The following PIBF1 variants were observed in gnomAD, a reference collection of about 807,000 sequenced individuals.
The protein encoded by PIBF1 is progesterone-induced-blocking factor 1.
PIBF1 carries 90 observed loss-of-function variants against 112.5 expected under a neutral mutation model. The ratio of observed to expected loss-of-function variants is 0.80; its 90% CI spans 0.67 to 0.95. The LOEUF is 0.95. Among genes scored for constraint, PIBF1 ranks in the 40% least tolerant of loss-of-function variants. The probability of loss-of-function intolerance (pLI) is 0.00; values close to 1 mark genes in which losing one functional copy is unlikely to be tolerated. For synonymous variants in PIBF1, 301 were observed against 288.6 expected (o/e 1.04, Z -0.44); for missense variants, 915 against 852.3 (o/e 1.07, Z -0.92).
chr13:72,789,839 C>CA (rs1383146866), intron 2 of PIBF1, among the ~76,000 whole-genome samples: 1 of 151,956 alleles, frequency 6.6e-6, no homozygotes, highest in Non-Finnish European at 1.5e-5. Context: ...TAGTGACTCT[C>CA]AAAAAGTTTC....
chr13:72,923,437 C>T (rs1321832182), intron 13 of PIBF1, among the ~76,000 whole-genome samples: 1 of 152,114 alleles, frequency 6.6e-6, no homozygotes, highest in Non-Finnish European at 1.5e-5. Flanking sequence ...GGTGTACAAC[C>T]AATATACTGG....
intron 14 of PIBF1, among the ~76,000 whole-genome samples, chr13:72,937,867 AATAAT>A (rs1408827790): frequency 6.6e-6 from 1 of 152,154 alleles, no homozygotes; most frequent in Non-Finnish European, 1.5e-5. Context: ...AAAGAGATAT[AATAAT>A]ATGAGGGAAA....
intron 14 of PIBF1, 103 bp from the exon 15 acceptor site, chr13:72,965,171 C>G: frequency 9.8e-7 from 1 of 1,019,056 alleles, no homozygotes; most frequent in East Asian, 2.5e-5. Flanking sequence ...CAGAATAATT[C>G]ATGTCAAAGG....
intron 10 of PIBF1, among the ~76,000 whole-genome samples, chr13:72,872,838 T>A (rs2039222876): frequency 6.6e-6 from 1 of 152,122 alleles, no homozygotes; most frequent in Non-Finnish European, 1.5e-5. Context: ...AATAAACCTT[T>A]ACAACAGCAG....
chr13:72,831,889 T>G, intron 8 of PIBF1, among the ~76,000 whole-genome samples: 1 of 152,128 alleles, frequency 6.6e-6, no homozygotes, highest in South Asian at 2.1e-4. Context: ...TAAGTCTGTT[T>G]GTAGGTCTCT....
chr13:72,839,415 T>G (rs2037504620), intron 9 of PIBF1, among the ~76,000 whole-genome samples: 1 of 152,140 alleles, frequency 6.6e-6, no homozygotes, highest in Non-Finnish European at 1.5e-5. Context: ...CATGATAAAT[T>G]TAGTTGTTTC....
At chr13:72,858,199 G>C (rs137971354) in intron 10 of PIBF1, among the ~76,000 whole-genome samples, 1 of 151,966 alleles carries the variant, frequency 6.6e-6, no homozygotes, top group African/African-American at 2.4e-5. Flanking sequence ...TTACAGGCAC[G>C]TGCCACCACA....
chr13:72,891,153 T>C (rs2138554749), intron 10 of PIBF1, among the ~76,000 whole-genome samples: 1 of 152,272 alleles, frequency 6.6e-6, no homozygotes, highest in East Asian at 1.9e-4. Context: ...AAAAGTAACT[T>C]TCAGGTGCCA....
rs56219022 is a variant in PIBF1 at position 73,016,205 on chromosome 13, G to GGTGA, written c.*288_*289insGAGT. ...TAAGTGTGTGGCTTATAAATATTTT[G>GGTGA]GTATTTTTCTATACTACGTAAATTC... is the stretch of plus-strand genomic sequence containing the variant. On this transcript the variant is annotated 3_prime_UTR_variant, in exon 18 of 18. Transcript: ENST00000326291. 100,335 of 159,714 alleles carry GGTGA rather than the reference G, an allele frequency of 0.63. 33,815 individuals carry two copies. The highest frequency in any genetic ancestry group is 0.86 in the East Asian group (5,075 of 5,926). 9.9% of individuals were successfully genotyped at this position (159,714 alleles called of 1,614,324 possible).
intron 2 of PIBF1, among the ~76,000 whole-genome samples, chr13:72,789,404 C>G (rs910378380): frequency 6.6e-6 from 1 of 152,036 alleles, no homozygotes; most frequent in Non-Finnish European, 1.5e-5. Flanking sequence ...CCAGGCTAGT[C>G]TCAAACTCCT....
At chr13:72,929,884 A>G (rs1320548005) in intron 13 of PIBF1, among the ~76,000 whole-genome samples, 1 of 152,092 alleles carries the variant, frequency 6.6e-6, no homozygotes, top group Non-Finnish European at 1.5e-5. Context: ...TTTTAGAGAC[A>G]GGGTCTCTGT....
intron 2 of PIBF1, among the ~76,000 whole-genome samples, chr13:72,789,652 GT>G (rs978501707): frequency 4.2e-4 from 62 of 147,836 alleles, no homozygotes; most frequent in African/African-American, 1.1e-3. Flanking sequence ...TGAAAAAAAT[GT>G]TTTTTTTTTC....
chr13:72,916,179 G>A (rs941218164), intron 12 of PIBF1, among the ~76,000 whole-genome samples: 24 of 151,746 alleles, frequency 1.6e-4, no homozygotes, highest in African/African-American at 5.8e-4. Context: ...ACCTGAGGTT[G>A]GGAGTTTGAG....
intron 7 of PIBF1, among the ~76,000 whole-genome samples, chr13:72,827,341 C>T (rs1267896349): frequency 6.7e-6 from 1 of 149,290 alleles, no homozygotes; most frequent in Non-Finnish European, 1.5e-5. Flanking sequence ...TTCCGCCTCC[C>T]AGGTTCAAAC....
At chr13:72,952,295 C>G (rs1037424924) in intron 14 of PIBF1, among the ~76,000 whole-genome samples, 1 of 151,980 alleles carries the variant, frequency 6.6e-6, no homozygotes, top group African/African-American at 2.4e-5. Flanking sequence ...CTCAGGTGAT[C>G]CACCTGCCTT....
intron 11 of PIBF1, among the ~76,000 whole-genome samples, chr13:72,898,236 A>G (rs1289448722): frequency 6.6e-6 from 1 of 152,114 alleles, no homozygotes; most frequent in Non-Finnish European, 1.5e-5. Context: ...TGAAATCAAG[A>G]TGGAAATTTA....
intron 12 of PIBF1, among the ~76,000 whole-genome samples, chr13:72,914,559 G>A (rs887349920): frequency 2.6e-5 from 4 of 151,796 alleles, no homozygotes; most frequent in African/African-American, 9.7e-5. Context: ...TTCCCTTTCC[G>A]CAACTTCAGT....
At chr13:72,868,770 G>C (rs1023575904) in intron 10 of PIBF1, among the ~76,000 whole-genome samples, 1 of 149,300 alleles carries the variant, frequency 6.7e-6, no homozygotes, top group Non-Finnish European at 1.5e-5. Flanking sequence ...GATCACTAGA[G>C]GCTACGAGTT....
chr13:72,901,103 GAACAGTC>G, intron 11 of PIBF1: 1 of 446,740 alleles, frequency 2.2e-6, no homozygotes, highest in South Asian at 1.6e-5. Context: ...ACAGCAAAAG[GAACAGTC>G]AACAGAGTAA....
Sources: gnomAD v4.1 joint callset for allele counts (sites outside exome capture counted in the v4.1 genomes callset) on GRCh38, gnomAD v4.1.1 for gene constraint, MANE v1.5 for transcripts, NCBI Gene and HGNC (gene_info 2026-07-23, HGNC 2026-07-21) for gene names.